Variants in HIP1 observed in about 807,000 individuals in gnomAD.
The protein encoded by HIP1 is huntingtin interacting protein 1.
Under a neutral mutation model 147.6 loss-of-function variants are expected in HIP1, and 65 were observed. The observed-to-expected ratio is 0.44, with a 90% CI of 0.36 to 0.54. The LOEUF is 0.54. HIP1 is among the 20% of genes least tolerant of loss of function. The pLI is 0.00. For missense variants in HIP1, 1,061 were observed against 1,299.6 expected (o/e 0.82, Z 2.82); for synonymous variants, 479 against 504.0 (o/e 0.95, Z 0.67).
chr7:75,541,706 AAAAAC>A (rs1794324969), intron 29 of HIP1, among the ~76,000 whole-genome samples: 1 of 135,938 alleles, frequency 7.4e-6, no homozygotes. Context: ...AAAAAAGAAA[AAAAAC>A]AAAACAAGAC....
In HIP1 at chr7:75,548,971, G is replaced by C; in HGVS notation, c.2326C>G (p.Gln776Glu). 6.2e-7 allele frequency: 1 copy of C among 1,613,988 alleles called. No individual in the cohort carries two copies. The highest frequency in any genetic ancestry group is 8.5e-7 in the Non-Finnish European group (1 of 1,179,916). ...TCCACCAGGTCCCCCAGCTCCTCCT[G>C]CTTGATGTCCAGTCCCCTGGGCAGG... ...ELLPRGLDIK[Q>E]EELGDLVDKE... The change falls in exon 23 of 31, where the codon CAG becomes GAG. Residue 776 changes from glutamine (Q) to glutamate (E), a missense_variant. Coordinates refer to ENST00000336926, the MANE Select transcript of HIP1 (RefSeq NM_005338.7).
intron 1 of HIP1, among the ~76,000 whole-genome samples, chr7:75,623,052 G>A (rs1797906725): frequency 6.6e-6 from 1 of 151,316 alleles, no homozygotes; most frequent in South Asian, 2.1e-4. Context: ...AAAAAATTTA[G>A]CCAGGCGTGG....
At chr7:75,661,560 G>A (rs1707246069) in intron 1 of HIP1, among the ~76,000 whole-genome samples, 2 of 131,162 alleles carry the variant, frequency 1.5e-5, no homozygotes, top group African/African-American at 3.1e-5. Flanking sequence ...GCAACAGAGC[G>A]AGACTCCATC....
Position 75,553,599 on chromosome 7 carries a change from C to T in HIP1, c.2159-10G>A. 1 of 1,612,524 alleles carries T rather than the reference C, an allele frequency of 6.2e-7. No homozygotes were observed. Among genetic ancestry groups the T allele is most frequent in the Non-Finnish European group, 8.5e-7 (1 of 1,179,228 alleles). On this transcript the variant is annotated splice_polypyrimidine_tract_variant and intron_variant, in intron 21 of 30. Transcript: ENST00000336926. ...CAGGCCTCGGTCAGTGCTGGAGATA[C>T]AAGGCAATAGACACTTTTTTTTTGA...
intron 1 of HIP1, among the ~76,000 whole-genome samples, chr7:75,693,380 G>C (rs1554518400): frequency 3.3e-5 from 5 of 152,000 alleles, no homozygotes; most frequent in African/African-American, 1.2e-4. Flanking sequence ...TTTCCAGGAG[G>C]CACCCCCCAC....
chr7:75,644,612 G>T (rs990539897), intron 1 of HIP1, among the ~76,000 whole-genome samples: 6 of 151,982 alleles, frequency 3.9e-5, no homozygotes, highest in Non-Finnish European at 4.4e-5. Context: ...TTTTTTAAAA[G>T]ATTAAACGTA....
intron 1 of HIP1, chr7:75,611,877 A>AGCCTCTCTTCCTCCCTCCCC: frequency 2.0e-6 from 2 of 1,017,710 alleles, no homozygotes; most frequent in Non-Finnish European, 2.4e-6. Flanking sequence ...CCTTTCTCCC[A>AGCCTCTCTTCCTCCCTCCCC]GCCTCTCTTC....
At chr7:75,624,265 G>T (rs958718959) in intron 1 of HIP1, among the ~76,000 whole-genome samples, 1 of 152,176 alleles carries the variant, frequency 6.6e-6, no homozygotes, top group Non-Finnish European at 1.5e-5. Flanking sequence ...GGGAGGATTT[G>T]CTAATCAGTT....
At chr7:75,570,290 G>A (rs1554496338) in intron 8 of HIP1, among the ~76,000 whole-genome samples, 1 of 145,514 alleles carries the variant, frequency 6.9e-6, no homozygotes, top group African/African-American at 2.5e-5. Context: ...GTTGTGACAC[G>A]TTTCTTTTTT....
chr7:75,680,844 C>T (rs567345244), intron 1 of HIP1, among the ~76,000 whole-genome samples: 63 of 152,214 alleles, frequency 4.1e-4, no homozygotes, highest in Admixed American at 7.2e-4. Flanking sequence ...GACACGAATT[C>T]GGCTCACTGC....
intron 7 of HIP1, among the ~76,000 whole-genome samples, chr7:75,577,998 A>G (rs587646350): frequency 6.6e-6 from 1 of 152,286 alleles, no homozygotes; most frequent in Non-Finnish European, 1.5e-5. Flanking sequence ...AGACTCTCTC[A>G]AAACAAAACA....
intron 22 of HIP1, among the ~76,000 whole-genome samples, chr7:75,552,036 C>T (rs1287850952): frequency 2.0e-5 from 3 of 151,976 alleles, no homozygotes; most frequent in African/African-American, 7.2e-5. Flanking sequence ...ATTACAGGCG[C>T]CTACCATCAC....
intron 1 of HIP1, among the ~76,000 whole-genome samples, chr7:75,601,764 G>A (rs587730278): frequency 1.3e-5 from 2 of 152,022 alleles, no homozygotes; most frequent in Admixed American, 6.6e-5. Flanking sequence ...GAGACCATGC[G>A]GCCTGCAAAG....
At chr7:75,671,763 G>T (rs1799735254) in intron 1 of HIP1, among the ~76,000 whole-genome samples, 1 of 100,250 alleles carries the variant, frequency 1.0e-5, no homozygotes, top group Admixed American at 1.1e-4. Flanking sequence ...TTTTGAGATG[G>T]AGTCTCGCTC....
At chr7:75,732,079 G>A (rs1165322374) in intron 1 of HIP1, among the ~76,000 whole-genome samples, 9 of 151,960 alleles carry the variant, frequency 5.9e-5, no homozygotes, top group Non-Finnish European at 1.2e-4. Context: ...TACCCGCAAC[G>A]TAAACATGAA....
At chr7:75,625,051 G>A (rs1797990843) in intron 1 of HIP1, 1 of 150,790 alleles carries the variant, frequency 6.6e-6, no homozygotes, top group Non-Finnish European at 1.5e-5. Context: ...GGGAATTACT[G>A]GCACCTGCCA....
chr7:75,558,103 CTGAGCCGCTCTCTCCCTAGAGGTG>C, intron 15 of HIP1, 40 bp downstream of exon 15: 3 of 1,387,582 alleles, frequency 2.2e-6, no homozygotes. Context: ...AGCCACAGGC[CTGAGCCGCTCTCTCCCTAGAGGTG>C]CAGGGCCTGC....
intron 1 of HIP1, among the ~76,000 whole-genome samples, chr7:75,732,538 T>TATTTG (rs1257040879): frequency 6.6e-6 from 1 of 152,000 alleles, no homozygotes; most frequent in African/African-American, 2.4e-5. Context: ...CCCAGCTAAT[T>TATTTG]ATTTGATTTG....
At chr7:75,605,441 C>T (rs1024570016) in intron 1 of HIP1, among the ~76,000 whole-genome samples, 3 of 152,168 alleles carry the variant, frequency 2.0e-5, no homozygotes, top group East Asian at 1.9e-4. Context: ...GAAGAGATGA[C>T]AGCAGGTGGA....
Sources: allele counts gnomAD v4.1 joint callset (sites outside exome capture counted in the v4.1 genomes callset), GRCh38; gene constraint gnomAD v4.1.1; transcripts MANE v1.5; gene names NCBI Gene and HGNC (gene_info 2026-07-23, HGNC 2026-07-21).